Variants in NELL1 observed in about 807,000 individuals in gnomAD.
NELL1 encodes protein kinase C-binding protein NELL1.
NELL1 carries 76 observed loss-of-function variants against 107.4 expected under a neutral mutation model. That is an observed-to-expected ratio of 0.71 (90% confidence interval 0.59 to 0.86). The LOEUF (loss-of-function observed/expected upper bound fraction) is 0.86, where lower values mean the gene tolerates loss of function less well. Among genes scored for constraint, NELL1 ranks in the 40% least tolerant of loss-of-function variants. The pLI, the probability that NELL1 is intolerant of heterozygous loss-of-function variation, is 0.00. For synonymous variants in NELL1, 353 were observed against 341.2 expected, an observed-to-expected ratio of 1.03 and a Z score of -0.38; for missense variants, 1,024 against 1,005.5, an observed-to-expected ratio of 1.02 and a Z score of -0.25.
At chr11:21,308,107 A>C (rs1200836933) in intron 14 of NELL1, among the ~76,000 whole-genome samples, 2 of 152,050 alleles carry the variant, frequency 1.3e-5, no homozygotes, top group Admixed American at 1.3e-4. Context: ...CCTTTAGCAA[A>C]TTACTCAACT....
At chr11:21,451,047 T>C (rs1036245469) in intron 15 of NELL1, among the ~76,000 whole-genome samples, 1 of 149,260 alleles carries the variant, frequency 6.7e-6, no homozygotes, top group Non-Finnish European at 1.5e-5. Context: ...AAAAGCCGGG[T>C]GTGATGGTGG....
chr11:20,858,841 C>G (rs7945811), intron 4 of NELL1, among the ~76,000 whole-genome samples: 33,917 of 152,062 alleles, frequency 0.22, 5,622 homozygotes, highest in African/African-American at 0.46. Flanking sequence ...TCCTCCAGGG[C>G]ACATGTGTAC....
intron 3 of NELL1, 128 bp downstream of exon 3, chr11:20,783,958 C>A: frequency 1.2e-6 from 1 of 827,842 alleles, no homozygotes; most frequent in Non-Finnish European, 1.7e-6. Flanking sequence ...CTGTTGAACA[C>A]ATTCATGAAT....
chr11:21,265,886 G>A (rs555849442), intron 14 of NELL1, among the ~76,000 whole-genome samples: 3 of 152,000 alleles, frequency 2.0e-5, no homozygotes, highest in Admixed American at 6.6e-5. Flanking sequence ...TTCATTCAAG[G>A]CCCTCTACCC....
chr11:21,436,017 T>A (rs1403620472), intron 15 of NELL1, among the ~76,000 whole-genome samples: 3 of 152,128 alleles, frequency 2.0e-5, no homozygotes, highest in Non-Finnish European at 4.4e-5. Context: ...AATCTCATTA[T>A]GTGTTATTGG....
At chr11:21,480,953 A>G (rs1221703628) in intron 15 of NELL1, among the ~76,000 whole-genome samples, 11 of 152,144 alleles carry the variant, frequency 7.2e-5, no homozygotes, top group Admixed American at 7.2e-4. Flanking sequence ...GACTATATGT[A>G]TATAGTCTTG....
At chr11:21,332,574 G>C (rs1018034665) in intron 14 of NELL1, among the ~76,000 whole-genome samples, 1 of 151,920 alleles carries the variant, frequency 6.6e-6, no homozygotes, top group Non-Finnish European at 1.5e-5. Flanking sequence ...ATGGTAGAAG[G>C]TATAGTCTCA....
At chr11:20,945,902 T>C (rs1850952412) in intron 10 of NELL1, among the ~76,000 whole-genome samples, 2 of 152,100 alleles carry the variant, frequency 1.3e-5, no homozygotes, top group South Asian at 4.1e-4. Flanking sequence ...TGTAAGATAG[T>C]CAGGAGAAAG....
At chr11:21,093,171 G>A (rs1269444954) in intron 12 of NELL1, among the ~76,000 whole-genome samples, 1 of 152,092 alleles carries the variant, frequency 6.6e-6, no homozygotes, top group East Asian at 1.9e-4. Flanking sequence ...CTGTGGATTT[G>A]GGAAGACATG....
chr11:21,475,636 G>A (rs1479735236), intron 15 of NELL1, among the ~76,000 whole-genome samples: 1 of 152,206 alleles, frequency 6.6e-6, no homozygotes, highest in Non-Finnish European at 1.5e-5. Context: ...ATGTAGAGCA[G>A]ATTTACAGTG....
chr11:21,498,068 T>C (rs1427999499), intron 15 of NELL1, among the ~76,000 whole-genome samples: 5 of 151,914 alleles, frequency 3.3e-5, no homozygotes, highest in African/African-American at 1.2e-4. Context: ...GGCAGAAAAG[T>C]ACACAGGAAA....
At chr11:20,799,271 A>T (rs538437991) in intron 3 of NELL1, among the ~76,000 whole-genome samples, 1 of 152,278 alleles carries the variant, frequency 6.6e-6, no homozygotes, top group East Asian at 1.9e-4. Context: ...GTGGTTTTAG[A>T]TGAGGAGATG....
chr11:21,296,246 T>C (rs1849373578), intron 14 of NELL1, among the ~76,000 whole-genome samples: 1 of 151,976 alleles, frequency 6.6e-6, no homozygotes, highest in South Asian at 2.1e-4. Context: ...AAAATGACAT[T>C]ATCTATGCCA....
intron 16 of NELL1, among the ~76,000 whole-genome samples, chr11:21,556,703 T>C (rs1856719031): frequency 1.3e-5 from 2 of 151,798 alleles, no homozygotes; most frequent in Admixed American, 1.3e-4. Context: ...ATTGTGAAAA[T>C]GTTAATGCAA....
chr11:21,509,176 C>T (rs75370474), intron 15 of NELL1, among the ~76,000 whole-genome samples: 22,980 of 152,110 alleles, frequency 0.15, 1,832 homozygotes, highest in Non-Finnish European at 0.17. Flanking sequence ...GGGTTACTAT[C>T]TCACACCCAC....
intron 15 of NELL1, among the ~76,000 whole-genome samples, chr11:21,490,862 G>A (rs1854788295): frequency 6.6e-6 from 1 of 151,996 alleles, no homozygotes. Context: ...AAAAACATAA[G>A]GAAAACACAT....
chr11:20,917,801 G>A (rs541698306), intron 5 of NELL1, among the ~76,000 whole-genome samples: 138 of 151,924 alleles, frequency 9.1e-4, no homozygotes, highest in Admixed American at 1.2e-3. Flanking sequence ...AAATTTTAGC[G>A]TAATATGTTT....
At chr11:21,562,462 A>T (rs1200520969) in intron 17 of NELL1, among the ~76,000 whole-genome samples, 1 of 152,004 alleles carries the variant, frequency 6.6e-6, no homozygotes, top group Non-Finnish European at 1.5e-5. Flanking sequence ...CATTTATAGC[A>T]CAGTTTCCCA....
At chr11:20,983,481 T>G (rs1264947167) in intron 12 of NELL1, among the ~76,000 whole-genome samples, 1 of 152,186 alleles carries the variant, frequency 6.6e-6, no homozygotes, top group African/African-American at 2.4e-5. Flanking sequence ...CCTGAACACC[T>G]GCTCTTCTTT....
Sources: gnomAD v4.1 joint callset for allele counts (sites outside exome capture counted in the v4.1 genomes callset) on GRCh38, gnomAD v4.1.1 for gene constraint, MANE v1.5 for transcripts, NCBI Gene and HGNC (gene_info 2026-07-23, HGNC 2026-07-21) for gene names.